TRAPPC12: variants seen among roughly 807,000 people sequenced by gnomAD.
TRAPPC12 encodes trafficking protein particle complex subunit 12.
Under a neutral mutation model 69.2 loss-of-function variants are expected in TRAPPC12, and 61 were observed. The observed-to-expected ratio is 0.88, with a 90% CI of 0.72 to 1.09. The LOEUF is 1.09. Ranked by LOEUF, TRAPPC12 falls within the 50% of genes least tolerant of loss-of-function variation. The pLI, the probability that TRAPPC12 is intolerant of heterozygous loss-of-function variation, is 0.00. For synonymous variants in TRAPPC12, 469 were observed against 438.9 expected (o/e 1.07, Z -0.86); for missense variants, 1,101 against 1,016.4 (o/e 1.08, Z -1.13).
At chr2:3,447,938 G>A (rs1054269356) in intron 6 of TRAPPC12, among the ~76,000 whole-genome samples, 4 of 152,166 alleles carry the variant, frequency 2.6e-5, no homozygotes, top group Non-Finnish European at 2.9e-5. Context: ...CTCTCGGTCC[G>A]TGGACTGCCC....
In TRAPPC12 at chr2:3,443,802, C is replaced by A. The variant is rs777644669; in HGVS notation, c.1441C>A (p.Arg481Ser). 2.5e-6 allele frequency: 4 copies of A among 1,613,988 alleles called. No individual in the cohort carries two copies. The Admixed American group carries it at 5.0e-5, about 20-fold the overall frequency. The change falls in exon 6 of 12, where the codon CGC becomes AGC. Residue 481 changes from arginine (R) to serine (S), a missense_variant. Transcript: ENST00000324266. ...AGGCTCCATGGTCCCCTTCTCGATG[C>A]GCATCTTGCACGCGGAGCTTCAGCA... is the stretch of plus-strand genomic sequence containing the variant. ...RRGSMVPFSM[R>S]ILHAELQQYL...
rs115292014 is a variant in TRAPPC12 at position 3,474,275 on chromosome 2, G to A, written c.1777-3420G>A. Among the ~76,000 whole-genome samples, 549 of 152,310 alleles carry A rather than the reference G, an allele frequency of 3.6e-3. 2 individuals are homozygous for A. The highest frequency in any genetic ancestry group is 0.013 in the African/African-American group (521 of 41,570). ...CAAGGTGAGGTCCCACAATAGCTGAGGAGCAAGGAAGCCAGTCCAAGTCCC... is the reference window on the plus strand; with the variant it reads ...CAAGGTGAGGTCCCACAATAGCTGAAGAGCAAGGAAGCCAGTCCAAGTCCC... On this transcript the variant is annotated intron_variant, in intron 9 of 11. Transcript: ENST00000324266.
intron 8 of TRAPPC12, among the ~76,000 whole-genome samples, chr2:3,461,643 T>G (rs1665507228): frequency 6.6e-6 from 1 of 152,178 alleles, no homozygotes; most frequent in Non-Finnish European, 1.5e-5. Context: ...CAGAGCAGGT[T>G]TTTCTTCCGC....
chr2:3,386,072 C>T (rs965367347), intron 1 of TRAPPC12, among the ~76,000 whole-genome samples: 1 of 152,180 alleles, frequency 6.6e-6, no homozygotes, highest in Non-Finnish European at 1.5e-5. Flanking sequence ...CAGGCTGAAC[C>T]GGAAACTTCT....
chr2:3,430,900 T>G (rs1193572188), intron 5 of TRAPPC12, among the ~76,000 whole-genome samples: 1 of 152,248 alleles, frequency 6.6e-6, no homozygotes, highest in East Asian at 1.9e-4. Flanking sequence ...CTCTGCACAC[T>G]GTTGCTGGGA....
chr2:3,430,125 TC>T (rs1283365939), intron 5 of TRAPPC12, among the ~76,000 whole-genome samples: 2 of 152,158 alleles, frequency 1.3e-5, no homozygotes, highest in East Asian at 3.9e-4. Flanking sequence ...TGCTTTTTTT[TC>T]CCCACTTTCC....
intron 3 of TRAPPC12, among the ~76,000 whole-genome samples, chr2:3,410,011 G>T (rs534975038): frequency 3.3e-4 from 50 of 152,292 alleles, no homozygotes; most frequent in Non-Finnish European, 7.2e-4. Flanking sequence ...CCACCTGGGA[G>T]ATGCAGGTGG....
At position 3,417,383 on chromosome 2, in the gene TRAPPC12, G is replaced by C. The variant is rs11677999; in HGVS notation, c.1165-4498G>C. ...CTCCTGCCGGGCCAGGTGATGCAGC[G>C]TCTGACCACGTGCAGTCTTTAGACT... On this transcript the variant is annotated intron_variant, in intron 3 of 11. Transcript: ENST00000324266. 1.2e-4 allele frequency among the ~76,000 whole-genome samples: 18 copies of C among 151,682 alleles called. No individual in the cohort carries two copies. In the South Asian group the frequency reaches 3.7e-3, roughly 31 times the overall value.
Position 3,479,536 on chromosome 2 carries a change from A to T in TRAPPC12, c.*75A>T. ...CTTGAAGCTAATGTATTAATGTGACATGGAGGAACTCAATAAAACTCCTGC... is the reference window on the plus strand; with the variant it reads ...CTTGAAGCTAATGTATTAATGTGACTTGGAGGAACTCAATAAAACTCCTGC... On this transcript the variant is annotated 3_prime_UTR_variant, in exon 12 of 12. Coordinates refer to ENST00000324266, the MANE Select transcript of TRAPPC12 (RefSeq NM_016030.6). The T allele has an allele frequency of 1.3e-6, 2 of 1,547,762 alleles. No individual in the cohort carries two copies. Among genetic ancestry groups the T allele is most frequent in the South Asian group, 2.5e-5 (2 of 81,354 alleles).
At chr2:3,395,423 ATTT>A (rs148864205) in intron 2 of TRAPPC12, among the ~76,000 whole-genome samples, 1 of 145,254 alleles carries the variant, frequency 6.9e-6, no homozygotes, top group Non-Finnish European at 1.5e-5. Flanking sequence ...ATGTGTTGCA[ATTT>A]TTTTTTTTTT....
chr2:3,423,890 CTG>C (rs1371195613), intron 4 of TRAPPC12, among the ~76,000 whole-genome samples: 2 of 152,216 alleles, frequency 1.3e-5, no homozygotes, highest in Non-Finnish European at 2.9e-5. Context: ...TGAGAGCACA[CTG>C]TGCTCTCTCG....
Position 3,424,835 on chromosome 2 carries a change from G to A in TRAPPC12, c.1417+172G>A, listed in dbSNP as rs114095549. On this transcript the variant is annotated intron_variant, in intron 5 of 11. Coordinates refer to ENST00000324266, the MANE Select transcript of TRAPPC12 (RefSeq NM_016030.6). ...CAGAATGCTCCCACTCCGATTTACC[G>A]AAACACTGACCTGGAGGTGCTCCCT... Among the ~76,000 whole-genome samples the A allele has an allele frequency of 9.3e-4, 141 of 152,310 alleles. 1 individual carries two copies. The highest frequency in any genetic ancestry group is 3.2e-3 in the African/African-American group (135 of 41,560).
intron 1 of TRAPPC12, among the ~76,000 whole-genome samples, chr2:3,384,543 T>A (rs767581403): frequency 2.0e-5 from 3 of 152,240 alleles, no homozygotes; most frequent in Non-Finnish European, 4.4e-5. Context: ...TTTTATTAGA[T>A]ACTTTCTTGT....
At chr2:3,428,997 A>G (rs1476568458) in intron 5 of TRAPPC12, among the ~76,000 whole-genome samples, 1 of 152,128 alleles carries the variant, frequency 6.6e-6, no homozygotes, top group Non-Finnish European at 1.5e-5. Flanking sequence ...ATCCATCCCT[A>G]GAACCCAGGG....
intron 6 of TRAPPC12, among the ~76,000 whole-genome samples, chr2:3,448,412 A>G (rs1309888911): frequency 1.3e-5 from 2 of 152,234 alleles, no homozygotes; most frequent in Admixed American, 1.3e-4. Flanking sequence ...CAGAAATTTT[A>G]GCAATCTCTA....
At chr2:3,398,225 A>G (rs1343222402) in intron 2 of TRAPPC12, among the ~76,000 whole-genome samples, 1 of 152,206 alleles carries the variant, frequency 6.6e-6, no homozygotes, top group Non-Finnish European at 1.5e-5. Context: ...ATGTATAGCT[A>G]GGTGTGGACT....
chr2:3,398,683 C>T (rs75644374), intron 2 of TRAPPC12, among the ~76,000 whole-genome samples: 6,601 of 152,280 alleles, frequency 0.043, 321 homozygotes, highest in East Asian at 0.17. Flanking sequence ...ACTATTCCCC[C>T]ATTGCAGGAA....
At chr2:3,438,938 C>T (rs1005998070) in intron 5 of TRAPPC12, among the ~76,000 whole-genome samples, 4 of 151,932 alleles carry the variant, frequency 2.6e-5, no homozygotes, top group Admixed American at 2.6e-4. Context: ...TCACCTTTAT[C>T]AGTTCCAATC....
Position 3,384,914 on chromosome 2 carries a change from A to T in TRAPPC12, c.-4-2706A>T, listed in dbSNP as rs758246735. On this transcript the variant is annotated intron_variant, in intron 1 of 11. Coordinates refer to ENST00000324266, the MANE Select transcript of TRAPPC12 (RefSeq NM_016030.6). ...TTGTAGGAAGACTTAACTACTGGTT[A>T]TACTTTTTTTATGGTTATAGAACTA... is the stretch of plus-strand genomic sequence containing the variant. Among the ~76,000 whole-genome samples, 3 of 152,316 alleles carry T rather than the reference A, an allele frequency of 2.0e-5. No individual in the cohort carries two copies. In the East Asian group the frequency reaches 5.8e-4, roughly 29 times the overall value.
Sources: gnomAD v4.1 joint callset for allele counts (sites outside exome capture counted in the v4.1 genomes callset) on GRCh38, gnomAD v4.1.1 for gene constraint, MANE v1.5 for transcripts, NCBI Gene and HGNC (gene_info 2026-07-23, HGNC 2026-07-21) for gene names.